Variants in CNGB3 observed in about 807,000 individuals in gnomAD.
CNGB3 encodes cyclic nucleotide-gated channel beta-3.
Under a neutral mutation model 92.8 loss-of-function variants are expected in CNGB3, and 86 were observed. The ratio of observed to expected loss-of-function variants is 0.93; its 90% CI spans 0.78 to 1.11. CNGB3 has a LOEUF of 1.11. Among genes scored for constraint, CNGB3 ranks in the 50% least tolerant of loss-of-function variants. The probability of loss-of-function intolerance (pLI) is 0.00; values close to 1 mark genes in which losing one functional copy is unlikely to be tolerated. For synonymous variants in CNGB3, 333 were observed against 332.7 expected (o/e 1.00, Z -0.01); for missense variants, 1,026 against 956.8 (o/e 1.07, Z -0.95).
At chr8:86,723,448 T>C (rs11782049) in intron 3 of CNGB3, among the ~76,000 whole-genome samples, 4,356 of 152,208 alleles carry the variant, frequency 0.029, 72 homozygotes, top group Non-Finnish European at 0.046. Flanking sequence ...CAACTGAAAA[T>C]ATAAAGGTGA....
At chr8:86,579,959 A>G (rs1821731503) in intron 15 of CNGB3, among the ~76,000 whole-genome samples, 1 of 152,100 alleles carries the variant, frequency 6.6e-6, no homozygotes, top group Admixed American at 6.5e-5. Context: ...GTCCATTTTC[A>G]CCTTGCTATA....
chr8:86,742,936 T>C (rs1252693438), intron 1 of CNGB3, among the ~76,000 whole-genome samples: 1 of 152,176 alleles, frequency 6.6e-6, no homozygotes, highest in Non-Finnish European at 1.5e-5. Flanking sequence ...TAGTGTATAA[T>C]TCTACGTTGT....
intron 11 of CNGB3, among the ~76,000 whole-genome samples, chr8:86,630,033 T>A (rs1822930723): frequency 1.3e-5 from 2 of 152,214 alleles, no homozygotes; most frequent in South Asian, 4.1e-4. Context: ...CTTTGGAGTC[T>A]AGCTCAAATG....
At chr8:86,698,998 A>G (rs1006176749) in intron 3 of CNGB3, among the ~76,000 whole-genome samples, 1 of 152,142 alleles carries the variant, frequency 6.6e-6, no homozygotes, top group Non-Finnish European at 1.5e-5. Context: ...TCTATTTGGG[A>G]GTATATGGTA....
intron 7 of CNGB3, among the ~76,000 whole-genome samples, chr8:86,653,507 C>T (rs1260007610): frequency 6.6e-6 from 1 of 152,088 alleles, no homozygotes; most frequent in East Asian, 1.9e-4. Context: ...CTGACCTCTG[C>T]CTATTTCTCA....
At chr8:86,702,438 A>T (rs1427837795) in intron 3 of CNGB3, among the ~76,000 whole-genome samples, 1 of 152,188 alleles carries the variant, frequency 6.6e-6, no homozygotes. Context: ...TTTTAATGTC[A>T]TCTTTGACCA....
At chr8:86,626,825 AATT>A (rs1822858291) in intron 12 of CNGB3, among the ~76,000 whole-genome samples, 1 of 152,140 alleles carries the variant, frequency 6.6e-6, no homozygotes, top group African/African-American at 2.4e-5. Flanking sequence ...CCGTAAACAA[AATT>A]GCCTATTCTT....
intron 10 of CNGB3, among the ~76,000 whole-genome samples, chr8:86,640,098 A>T (rs183579324): frequency 6.6e-6 from 1 of 151,940 alleles, no homozygotes; most frequent in African/African-American, 2.4e-5. Flanking sequence ...CAAATCTTTT[A>T]TATGTTTATT....
chr8:86,628,795 C>A (rs1380375981), intron 12 of CNGB3, 124 bp downstream of exon 12: 5 of 1,040,582 alleles, frequency 4.8e-6, no homozygotes, highest in East Asian at 2.4e-5. Context: ...TAAACGAATG[C>A]TTTAAGGATC....
At chr8:86,649,875 G>C (rs917840745) in intron 7 of CNGB3, among the ~76,000 whole-genome samples, 4 of 151,376 alleles carry the variant, frequency 2.6e-5, no homozygotes, top group Non-Finnish European at 5.9e-5. Context: ...AGAATGGGAG[G>C]AAATATTTGC....
chr8:86,669,601 G>C (rs1823816771), intron 4 of CNGB3, among the ~76,000 whole-genome samples: 1 of 152,104 alleles, frequency 6.6e-6, no homozygotes. Context: ...CTTTATCGAA[G>C]TATAATAACT....
chr8:86,657,200 T>C (rs560107250), intron 6 of CNGB3, among the ~76,000 whole-genome samples: 29 of 152,196 alleles, frequency 1.9e-4, no homozygotes, highest in African/African-American at 6.7e-4. Flanking sequence ...ATCCAGAAAT[T>C]AAGGACTCAG....
chr8:86,674,899 G>T (rs1162244704), intron 3 of CNGB3, among the ~76,000 whole-genome samples: 2 of 151,806 alleles, frequency 1.3e-5, no homozygotes, highest in African/African-American at 4.8e-5. Context: ...GACTACAGGT[G>T]TGCAACACCA....
In CNGB3 at chr8:86,685,013, A is replaced by T. The variant is rs181010544; in HGVS notation, c.339-13915T>A. ...AAGTAAAACTGGAGAAATATGAATA[A>T]GATCAGTGGATTATCATTGTCAACA... On this transcript the variant is annotated intron_variant, in intron 3 of 17. Transcript: ENST00000320005. Among the ~76,000 whole-genome samples the T allele has an allele frequency of 5.9e-5, 9 of 152,206 alleles. No individual in the cohort carries two copies. The East Asian group carries it at 1.5e-3, about 26-fold the overall frequency.
At chr8:86,712,333 A>G (rs1272303637) in intron 3 of CNGB3, among the ~76,000 whole-genome samples, 1 of 152,112 alleles carries the variant, frequency 6.6e-6, no homozygotes, top group East Asian at 1.9e-4. Flanking sequence ...CTTTTTTATT[A>G]CTTCTGAATT....
chr8:86,711,257 T>C (rs1276181811), intron 3 of CNGB3, among the ~76,000 whole-genome samples: 1 of 152,138 alleles, frequency 6.6e-6, no homozygotes, highest in Non-Finnish European at 1.5e-5. Context: ...CTCTGTTGTT[T>C]TAATATCCCC....
chr8:86,581,785 G>C (rs1821790281), intron 15 of CNGB3, among the ~76,000 whole-genome samples: 1 of 152,074 alleles, frequency 6.6e-6, no homozygotes, highest in Non-Finnish European at 1.5e-5. Flanking sequence ...AGCTGAAACA[G>C]CAGCAAGATG....
intron 3 of CNGB3, among the ~76,000 whole-genome samples, chr8:86,701,933 A>C (rs1824565662): frequency 6.6e-6 from 1 of 152,180 alleles, no homozygotes; most frequent in Non-Finnish European, 1.5e-5. Context: ...CTACTATTCA[A>C]AGGAAGTTAT....
At chr8:86,633,742 TTA>T (rs1407346195) in intron 10 of CNGB3, among the ~76,000 whole-genome samples, 1 of 152,232 alleles carries the variant, frequency 6.6e-6, no homozygotes, top group Non-Finnish European at 1.5e-5. Context: ...TGTGGGAATA[TTA>T]TAGAGATCAA....
Sources: allele counts gnomAD v4.1 joint callset (sites outside exome capture counted in the v4.1 genomes callset), GRCh38; gene constraint gnomAD v4.1.1; transcripts MANE v1.5; gene names NCBI Gene and HGNC (gene_info 2026-07-23, HGNC 2026-07-21).